Variants in TIMM23 observed in about 807,000 individuals in gnomAD.
The protein encoded by TIMM23 is mitochondrial import inner membrane translocase subunit Tim23.
A neutral mutation model predicts 30.7 loss-of-function variants in TIMM23; 19 were observed. The observed-to-expected ratio is 0.62, with a 90% confidence interval of 0.43 to 0.91. TIMM23 has a LOEUF of 0.91. Among genes scored for constraint, TIMM23 ranks in the 40% least tolerant of loss-of-function variants. The probability of loss-of-function intolerance (pLI) is 0.00; values close to 1 mark genes in which losing one functional copy is unlikely to be tolerated. For synonymous variants in TIMM23, 78 were observed against 98.5 expected (o/e 0.79, Z 1.23); for missense variants, 202 against 269.2 (o/e 0.75, Z 1.75).
Position 45,988,863 on chromosome 10 carries a change from T to A in TIMM23, c.514+16T>A. ...AAATGTACAGGTGAGTACTGTTGAATGGGGAGCCATCTCTTAATACACTTG... is the reference window on the plus strand; with the variant it reads ...AAATGTACAGGTGAGTACTGTTGAAAGGGGAGCCATCTCTTAATACACTTG... On this transcript the variant is annotated intron_variant, in intron 6 of 6. Transcript: ENST00000580018. The A allele has an allele frequency of 6.2e-7, 1 of 1,608,826 alleles. No individual in the cohort carries two copies.
In TIMM23 at chr10:45,975,934, T is replaced by C. The variant is rs1837660111; in HGVS notation, c.165+422T>C. ...CTCCTGCCTCAGCCTCCCAAGTAGC[T>C]GGGACTACAGGCGCCCACCACCACG... On this transcript the variant is annotated intron_variant, in intron 2 of 6. Coordinates refer to ENST00000580018, the MANE Select transcript of TIMM23 (RefSeq NM_006327.4). Among the ~76,000 whole-genome samples the C allele has an allele frequency of 3.3e-5, 5 of 152,284 alleles. No individual in the cohort carries two copies. The South Asian group carries it at 1.0e-3, about 32-fold the overall frequency.
At chr10:45,972,773 T>G (rs1379113262) in intron 1 of TIMM23, 43 bp downstream of exon 1, 131 of 1,609,346 alleles carry the variant, frequency 8.1e-5, no homozygotes, top group Non-Finnish European at 1.0e-4. Flanking sequence ...GACTGGTTTT[T>G]GCGTCTACAC....
intron 2 of TIMM23, among the ~76,000 whole-genome samples, chr10:45,979,710 C>T (rs1199099275): frequency 2.1e-5 from 3 of 140,432 alleles, no homozygotes; most frequent in South Asian, 2.3e-4. Flanking sequence ...TTCTTGTTTG[C>T]GTTAAGTGTT....
intron 2 of TIMM23, among the ~76,000 whole-genome samples, chr10:45,979,477 T>TC (rs1218231674): frequency 6.6e-6 from 1 of 151,764 alleles, no homozygotes; most frequent in Non-Finnish European, 1.5e-5. Flanking sequence ...TTTTTTTTTT[T>TC]ACATTCTTTG....
intron 6 of TIMM23, among the ~76,000 whole-genome samples, chr10:45,991,127 A>G (rs1838151395): frequency 6.6e-6 from 1 of 152,236 alleles, no homozygotes; most frequent in East Asian, 1.9e-4. Flanking sequence ...GAAAGAAGTA[A>G]TAAATAACAG....
intron 6 of TIMM23, among the ~76,000 whole-genome samples, chr10:45,996,157 T>C (rs782401743): frequency 1.3e-4 from 19 of 141,174 alleles, no homozygotes; most frequent in Non-Finnish European, 2.6e-4. Context: ...GTCAGGAGAT[T>C]GAGACCATCC....
chr10:45,981,114 A>G (rs1358599241), intron 2 of TIMM23, among the ~76,000 whole-genome samples: 1 of 148,174 alleles, frequency 6.7e-6, no homozygotes, highest in Non-Finnish European at 1.5e-5. Context: ...AATTTTTTGT[A>G]TTTTAGTAGA....
At chr10:45,983,160 T>C (rs1250799182) in intron 4 of TIMM23, among the ~76,000 whole-genome samples, 1 of 152,288 alleles carries the variant, frequency 6.6e-6, no homozygotes, top group Non-Finnish European at 1.5e-5. Context: ...CAGCTAGTGC[T>C]ATGCCAGCCT....
rs2132254585 is a variant in TIMM23, at chr10:45,982,478, T to C, written c.166-45T>C. ...TAAAAAGGCAACTTTACAAGATTTG[T>C]GTCTTGAGGGACACTCAGCTTGGTT... On this transcript the variant is annotated intron_variant, in intron 2 of 6. Transcript: ENST00000580018. 8 of 1,595,956 alleles carry C rather than the reference T, an allele frequency of 5.0e-6. No homozygotes were observed. The East Asian group carries it at 1.6e-4, about 31-fold the overall frequency.
chr10:46,001,611 C>T (rs1554917708), intron 6 of TIMM23, among the ~76,000 whole-genome samples: 2 of 152,102 alleles, frequency 1.3e-5, no homozygotes, highest in African/African-American at 4.8e-5. Flanking sequence ...AATTGACAGG[C>T]ACGGAGCTAA....
chr10:45,973,545 C>A (rs1554912341), intron 1 of TIMM23, among the ~76,000 whole-genome samples: 5 of 152,198 alleles, frequency 3.3e-5, no homozygotes, highest in Admixed American at 2.6e-4. Context: ...GAAATATGTT[C>A]AGACTGTAGT....
chr10:45,990,911 T>C (rs1184803058), intron 6 of TIMM23, among the ~76,000 whole-genome samples: 5 of 152,186 alleles, frequency 3.3e-5, no homozygotes, highest in African/African-American at 1.2e-4. Context: ...GTCAGCTCAT[T>C]TACCATTCTC....
rs782768741 is a variant in TIMM23, at chr10:46,003,334, A to G, written c.*16A>G. 2.3e-5 allele frequency: 36 copies of G among 1,568,360 alleles called. No individual in the cohort carries two copies. The Admixed American group carries it at 5.7e-4, about 25-fold the overall frequency. On this transcript the variant is annotated 3_prime_UTR_variant, in exon 7 of 7. Transcript: ENST00000580018. ...GTCACTCTGAAGATTTTGCCAACTC[A>G]TGAATGGAGGACACTTCAGTAGTCA...
intron 6 of TIMM23, among the ~76,000 whole-genome samples, chr10:45,996,964 C>A (rs1192898199): frequency 1.6e-3 from 175 of 111,370 alleles, no homozygotes; most frequent in Middle Eastern, 5.0e-3. Flanking sequence ...GACCCTGTGT[C>A]AAACAAAAAA....
At chr10:45,975,427 C>A in intron 1 of TIMM23, 27 bp from the exon 2 acceptor site, 2 of 1,613,458 alleles carry the variant, frequency 1.2e-6, no homozygotes, top group Non-Finnish European at 1.7e-6. Context: ...AATTTTGTTG[C>A]AATGTGACAT....
intron 4 of TIMM23, among the ~76,000 whole-genome samples, chr10:45,983,652 A>C (rs1212794990): frequency 3.3e-5 from 5 of 152,214 alleles, no homozygotes; most frequent in Non-Finnish European, 7.3e-5. Flanking sequence ...GTTTTAGGAC[A>C]CTTTAAACTC....
Position 45,990,192 on chromosome 10 carries a change from A to G in TIMM23, c.514+1345A>G, listed in dbSNP as rs79543514. On this transcript the variant is annotated intron_variant, in intron 6 of 6. Transcript: ENST00000580018. ...GGCTGGAGTGCAGTGGCATGATCTC[A>G]GCTCACTGCAACCTCCACCTCCTGG... Among the ~76,000 whole-genome samples the G allele has an allele frequency of 4.9e-3, 704 of 145,056 alleles. 5 individuals carry two copies. Among genetic ancestry groups the G allele is most frequent in the East Asian group, 0.02 (97 of 4,920 alleles).
chr10:45,993,321 C>A (rs1417043429), intron 6 of TIMM23, among the ~76,000 whole-genome samples: 2 of 147,906 alleles, frequency 1.4e-5, no homozygotes, highest in Non-Finnish European at 3.0e-5. Context: ...TCTCGGCTCA[C>A]AGCACCCTCT....
At chr10:45,995,262 A>C (rs587611305) in intron 6 of TIMM23, among the ~76,000 whole-genome samples, 5,138 of 151,998 alleles carry the variant, frequency 0.034, 294 homozygotes, top group African/African-American at 0.11. Context: ...GTTAGACTCT[A>C]ATTTCTTTTG....
Sources: allele counts gnomAD v4.1 joint callset (sites outside exome capture counted in the v4.1 genomes callset), GRCh38; gene constraint gnomAD v4.1.1; transcripts MANE v1.5; gene names NCBI Gene and HGNC (gene_info 2026-07-23, HGNC 2026-07-21).